Variants in KDM6B observed in about 807,000 individuals in gnomAD.
The protein encoded by KDM6B is lysine demethylase 6B.
Under a neutral mutation model 150.4 loss-of-function variants are expected in KDM6B, and 22 were observed. The observed-to-expected ratio is 0.15, with a 90% CI of 0.10 to 0.21. The LOEUF is 0.21. Ranked by LOEUF, KDM6B falls within the 10% of genes least tolerant of loss-of-function variation. The probability of loss-of-function intolerance (pLI) is 1.00; values close to 1 mark genes in which losing one functional copy is unlikely to be tolerated. For synonymous variants in KDM6B, 1,148 were observed against 921.1 expected (o/e 1.25, Z -4.46); for missense variants, 1,984 against 2,234.3 (o/e 0.89, Z 2.26).
chr17:7,835,397 C>T (rs1046207164), intron 1 of KDM6B, among the ~76,000 whole-genome samples: 4 of 151,848 alleles, frequency 2.6e-5, no homozygotes, highest in Non-Finnish European at 5.9e-5. Context: ...AGGAAGAGCC[C>T]TGGGAGGAAG....
rs2078464534 is a variant in KDM6B at position 7,843,665 on chromosome 17, C to A, written c.-268-1236C>A. ...CTCCCCCGGCTTCCTGCCCGGCGCT[C>A]GCTCCAGCTGGAGCGCTGGCCCCGC... On this transcript the variant is annotated intron_variant, in intron 2 of 23. Transcript: ENST00000448097. The surrounding 1 kb of genome is among the most constrained non-coding windows in gnomAD (Gnocchi z 4.5). 1.3e-5 allele frequency among the ~76,000 whole-genome samples: 2 copies of A among 152,186 alleles called. No individual in the cohort carries two copies. Among genetic ancestry groups the A allele is most frequent in the East Asian group, 3.9e-4 (2 of 5,146 alleles).
rs1175066647 is a variant in KDM6B, at chr17:7,844,528, A to G, written c.-268-373A>G. 1.3e-5 allele frequency among the ~76,000 whole-genome samples: 2 copies of G among 151,894 alleles called. No individual in the cohort carries two copies. The highest frequency in any genetic ancestry group is 6.5e-5 in the Admixed American group (1 of 15,280). On this transcript the variant is annotated intron_variant, in intron 2 of 23. Coordinates refer to ENST00000448097, the MANE Select transcript of KDM6B (RefSeq NM_001348716.2). The surrounding 1 kb of genome is among the most constrained non-coding windows in gnomAD (Gnocchi z 5.9). ...GTCTGTCACTGGGCGAGGTGAAGTG[A>G]GGAAGGGGAGGGACGTCTTTTTTGC... is the stretch of plus-strand genomic sequence containing the variant.
Position 7,847,394 on chromosome 17 carries a change from G to T in KDM6B, c.1199G>T (p.Ser400Ile). 4 of 1,613,392 alleles carry T rather than the reference G, an allele frequency of 2.5e-6. No individual in the cohort carries two copies. Among genetic ancestry groups the T allele is most frequent in the Non-Finnish European group, 3.4e-6 (4 of 1,179,944 alleles). Residue 400 changes from serine to isoleucine, a missense_variant, in exon 11 of 24, where the codon AGC (serine) becomes ATC (isoleucine). By Grantham distance (142) the Ser-to-Ile change is moderately radical (BLOSUM62 -2). Transcript: ENST00000448097. Reference protein sequence around the residue: ...PPGLPGTTTSSSSSSSSNTGL... With the variant: ...PPGLPGTTTSISSSSSSNTGL... ...GGCCTCCCCGGCACCACCACCAGCA[G>T]CAGCAGTAGCAGCAGCAGCAACACT...
Position 7,846,992 on chromosome 17 carries a change from G to C in KDM6B, c.885G>C (p.Lys295Asn). The change falls in exon 10 of 24, where the codon AAG becomes AAC. Residue 295 changes from lysine (K) to asparagine (N), a missense_variant. Physicochemically the swap from Lys to Asn is moderately conservative, Grantham distance 94. Transcript: ENST00000448097. ...GAGATGCCTGGGGCCCAGAGCGCAAGGGTTCAGCACCCCCAGAGCGCCAGG... is the reference window on the plus strand; with the variant it reads ...GAGATGCCTGGGGCCCAGAGCGCAACGGTTCAGCACCCCCAGAGCGCCAGG... ...LHGDAWGPER[K>N]GSAPPERQEQ... The C allele has an allele frequency of 3.7e-6, 6 of 1,613,382 alleles. No individual in the cohort carries two copies. The highest frequency in any genetic ancestry group is 5.1e-6 in the Non-Finnish European group (6 of 1,179,894).
chr17:7,844,190 C>A lies in KDM6B; in HGVS notation c.-268-711C>A. Reference sequence around the variant, plus strand: ...GCCGTGGGGAACCGCGTGGCCCCGGCGGGGAAGGGCAGAGAGGATACGCGA... The same window carrying A: ...GCCGTGGGGAACCGCGTGGCCCCGGAGGGGAAGGGCAGAGAGGATACGCGA... On this transcript the variant is annotated intron_variant, in intron 2 of 23. Transcript: ENST00000448097. The surrounding 1 kb of genome is among the most constrained non-coding windows in gnomAD (Gnocchi z 5.9). The A allele has an allele frequency of 6.6e-6, 1 of 151,770 alleles. No individual in the cohort carries two copies. The highest frequency in any genetic ancestry group is 2.0e-4 in the East Asian group (1 of 5,092). 9.4% of individuals were successfully genotyped at this position (151,770 alleles called of 1,614,324 possible).
At position 7,847,428 on chromosome 17, in the gene KDM6B, GGGCGTGGAGCCGAACCCA is replaced by G. The variant is rs1284306889; in HGVS notation, c.1237_1254del (p.Val413_Gly418del). On this transcript the variant is annotated inframe_deletion, in exon 11 of 24. Transcript: ENST00000448097. ...GCAGCAGCAGCAACACTGGTCTCCGGGGCGTGGAGCCGAACCCAGGCATTGTGAGTGACAACTGAGGGT... is the reference window on the plus strand; with the variant it reads ...GCAGCAGCAGCAACACTGGTCTCCGGGGCATTGTGAGTGACAACTGAGGGT... 1 of 1,613,524 alleles carries G rather than the reference GGGCGTGGAGCCGAACCCA, an allele frequency of 6.2e-7. No homozygotes were observed. Among genetic ancestry groups the G allele is most frequent in the East Asian group, 2.2e-5 (1 of 44,898 alleles).
intron 1 of KDM6B, among the ~76,000 whole-genome samples, chr17:7,839,141 C>T (rs1210632343): frequency 6.6e-6 from 1 of 152,162 alleles, no homozygotes; most frequent in African/African-American, 2.4e-5. Flanking sequence ...GCCAACTTAG[C>T]TCTGACCCCT....
At chr17:7,835,790 C>G (rs2078324583) in intron 1 of KDM6B, among the ~76,000 whole-genome samples, 1 of 151,726 alleles carries the variant, frequency 6.6e-6, no homozygotes, top group East Asian at 1.9e-4. Context: ...CCCCTTGCGC[C>G]TGCGCGGCGA....
At position 7,853,624 on chromosome 17, in the gene KDM6B, C is replaced by A; in HGVS notation, c.*103C>A. On this transcript the variant is annotated 3_prime_UTR_variant, in exon 24 of 24. Coordinates refer to ENST00000448097, the MANE Select transcript of KDM6B (RefSeq NM_001348716.2). ...TCCCGCCTGTGGCCGAGAAGGGGGT[C>A]GGGCCCAGCCCTTCCACCCCATTGG... 1 of 845,648 alleles carries A rather than the reference C, an allele frequency of 1.2e-6. No homozygotes were observed. Among genetic ancestry groups the A allele is most frequent in the South Asian group, 2.8e-5 (1 of 35,878 alleles). The allele number at this position is 845,648 out of a possible 1,614,324, so 52.4% of individuals were successfully genotyped here. A position where few individuals can be genotyped will look rare whatever the true frequency, so the allele number is the denominator to read the frequency against.
Position 7,853,099 on chromosome 17 carries a change from G to A in KDM6B, c.4710G>A (p.Glu1570=). 4 of 1,614,154 alleles carry A rather than the reference G, an allele frequency of 2.5e-6. No individual in the cohort carries two copies. Among genetic ancestry groups the A allele is most frequent in the Non-Finnish European group, 2.5e-6 (3 of 1,180,022 alleles). The change falls in exon 22 of 24, where the codon GAG becomes GAA. Residue 1570 remains glutamate (E), a synonymous_variant. Transcript: ENST00000448097. The part of the protein sequence containing the change: ...KIAYQGRVKD[E]PAYYCNECDV... Reference sequence around the variant, plus strand: ...CTTACCAGGGCCGTGTCAAGGACGAGCCAGCCTACTACTGCAACGAGTGCG... The same window carrying A: ...CTTACCAGGGCCGTGTCAAGGACGAACCAGCCTACTACTGCAACGAGTGCG...
Position 7,852,329 on chromosome 17 carries a change from C to A in KDM6B, c.4461C>A (p.Pro1487=). The change falls in exon 20 of 24, where the codon CCC becomes CCA. Residue 1487 remains proline (P), a synonymous_variant. Transcript: ENST00000448097. Reference sequence around the variant, plus strand: ...ACAACATTGCCTGGAACGTGGGGCCCCTCACCGGTGAGAGGGTGGGGCAGG... The same window carrying A: ...ACAACATTGCCTGGAACGTGGGGCCACTCACCGGTGAGAGGGTGGGGCAGG... ...WCNNIAWNVG[P]LTAYQYQLAL... 1 of 1,612,834 alleles carries A rather than the reference C, an allele frequency of 6.2e-7. No homozygotes were observed. The highest frequency in any genetic ancestry group is 1.3e-5 in the African/African-American group (1 of 75,030).
intron 21 of KDM6B, 53 bp from the exon 22 acceptor site, chr17:7,852,947 G>A: frequency 1.2e-6 from 2 of 1,612,316 alleles, no homozygotes; most frequent in Non-Finnish European, 8.5e-7. Flanking sequence ...CTCCAGCCCT[G>A]CCTCAGGCCT....
In KDM6B at chr17:7,847,472, G is replaced by T; in HGVS notation, c.1257+20G>T. 6.2e-7 allele frequency: 1 copy of T among 1,613,600 alleles called. No homozygotes were observed. Among genetic ancestry groups the T allele is most frequent in the African/African-American group, 1.3e-5 (1 of 75,032 alleles). ...GGCATTGTGAGTGACAACTGAGGGT[G>T]GAGGGGGGGATGGGTGGAGCTTGTC... is the stretch of plus-strand genomic sequence containing the variant. On this transcript the variant is annotated intron_variant, in intron 11 of 23. Coordinates refer to ENST00000448097, the MANE Select transcript of KDM6B (RefSeq NM_001348716.2).
At chr17:7,845,261 G>C in intron 3 of KDM6B, 53 bp from the exon 4 acceptor site, 1 of 554,458 alleles carries the variant, frequency 1.8e-6, no homozygotes, top group Non-Finnish European at 3.3e-6. Context: ...CCCAGCCCCT[G>C]GGCCTTGACT....
At chr17:7,852,088 C>T (rs1173501903) in intron 19 of KDM6B, 23 bp downstream of exon 19, 2 of 1,613,610 alleles carry the variant, frequency 1.2e-6, no homozygotes, top group South Asian at 2.2e-5. Context: ...CTGCGCAAGT[C>T]AGACTGCCGC....
intron 1 of KDM6B, among the ~76,000 whole-genome samples, chr17:7,838,083 AT>A (rs1281934898): frequency 6.7e-6 from 1 of 150,150 alleles, no homozygotes; most frequent in East Asian, 2.0e-4. Context: ...ATGGTTCTTG[AT>A]TTTGAAGCAA....
chr17:7,848,452 C>A lies in KDM6B; in HGVS notation c.2164C>A (p.Gln722Lys), dbSNP rs2078612028. The stretch of plus-strand genomic sequence containing the variant: ...ACAACACGAAGCAGGCGTGGCCCCC[C>A]AACCCCCGCTGAAGGAGCCCTTTGC... ...QQQHEAGVAP[Q>K]PPLKEPFASL... The change falls in exon 12 of 24, where the codon CAA becomes AAA. Residue 722 changes from glutamine to lysine, a missense_variant. Gln to Lys is a moderately conservative substitution (Grantham distance 53). Around this residue, in one of 13 missense-constraint regions of KDM6B, gnomAD observed 1,379 missense variants for 1,275.6 expected, o/e 1.08. Coordinates refer to ENST00000448097, the MANE Select transcript of KDM6B (RefSeq NM_001348716.2). 1 of 1,612,590 alleles carries A rather than the reference C, an allele frequency of 6.2e-7. No homozygotes were observed.
At chr17:7,835,368 G>A (rs1207048701) in intron 1 of KDM6B, among the ~76,000 whole-genome samples, 1 of 152,110 alleles carries the variant, frequency 6.6e-6, no homozygotes, top group African/African-American at 2.4e-5. Flanking sequence ...CCGAGGGCAG[G>A]ACGCCTGGTT....
rs563604230 is a variant in KDM6B, at chr17:7,848,057, C to T, written c.1769C>T (p.Pro590Leu). 13 of 1,612,258 alleles carry T rather than the reference C, an allele frequency of 8.1e-6. No homozygotes were observed. Among genetic ancestry groups the T allele is most frequent in the South Asian group, 1.1e-5 (1 of 91,008 alleles). ...GACCCCCTTCCCCGGCCTCCCAGCCCAGCACAGAACCCCCAGGACCCACCT... is the reference window on the plus strand; with the variant it reads ...GACCCCCTTCCCCGGCCTCCCAGCCTAGCACAGAACCCCCAGGACCCACCT... ...SIDPLPRPPS[P>L]AQNPQDPPLV... Residue 590 changes from proline to leucine, a missense_variant, in exon 12 of 24, where the codon CCA (proline) becomes CTA (leucine). Physicochemically the swap from Pro to Leu is moderately conservative, Grantham distance 98. Around this residue, in one of 13 missense-constraint regions of KDM6B, gnomAD observed 1,379 missense variants for 1,275.6 expected, o/e 1.08. Coordinates refer to ENST00000448097, the MANE Select transcript of KDM6B (RefSeq NM_001348716.2).
Sources: allele counts gnomAD v4.1 joint callset (sites outside exome capture counted in the v4.1 genomes callset), GRCh38; gene constraint gnomAD v4.1.1; regional missense constraint gnomAD v4.1.1; non-coding constraint Gnocchi (gnomAD v3.1); transcripts MANE v1.5; gene names NCBI Gene and HGNC (gene_info 2026-07-23, HGNC 2026-07-21).